ENKUR: variants seen among roughly 807,000 people sequenced by gnomAD.
ENKUR encodes enkurin, TRPC channel interacting protein, also known as enkurin.
ENKUR carries 19 observed loss-of-function variants against 27.6 expected under a neutral mutation model. That is an observed-to-expected ratio of 0.69 (90% confidence interval 0.48 to 1.01). The LOEUF (loss-of-function observed/expected upper bound fraction) is 1.01, where lower values mean the gene tolerates loss of function less well. Among genes scored for constraint, ENKUR ranks in the 50% least tolerant of loss-of-function variants. ENKUR has a pLI of 0.00. For missense variants in ENKUR, 312 were observed against 310.5 expected (o/e 1.00, Z -0.04); for synonymous variants, 117 against 96.9 (o/e 1.21, Z -1.22).
At position 24,982,402 on chromosome 10, in the gene ENKUR, A is replaced by G. The variant is rs1477657975; in HGVS notation, c.*1968T>C. On this transcript the variant is annotated 3_prime_UTR_variant, in exon 6 of 6. Transcript: ENST00000331161. Reference sequence around the variant, plus strand: ...AAGCAGCATTTCAAGAAATCAAGCTAAAAAGATCATAGACAAGGGGCCAGA... The same window carrying G: ...AAGCAGCATTTCAAGAAATCAAGCTGAAAAGATCATAGACAAGGGGCCAGA... The G allele has an allele frequency of 2.0e-5, 3 of 152,268 alleles. No individual in the cohort carries two copies. The highest frequency in any genetic ancestry group is 1.3e-4 in the Admixed American group (2 of 15,278). 9.4% of individuals were successfully genotyped at this position (152,268 alleles called of 1,614,324 possible).
upstream of ENKUR, among the ~76,000 whole-genome samples, chr10:25,019,961 C>T (rs7919641): frequency 1 from 152,221 of 152,272 alleles, 76,085 homozygotes; most frequent in Middle Eastern, 1. Flanking sequence ...TGTATATTCC[C>T]GAGTGGCCAT....
chr10:25,032,380 T>C (rs74122935), intron 2 of ENKUR, among the ~76,000 whole-genome samples: 3,565 of 152,048 alleles, frequency 0.023, 137 homozygotes, highest in African/African-American at 0.082. Flanking sequence ...TCTCACTGTT[T>C]TGTGGTGTTG....
chr10:24,985,185 G>A (rs540007168), intron 4 of ENKUR, among the ~76,000 whole-genome samples: 7 of 152,118 alleles, frequency 4.6e-5, no homozygotes, highest in East Asian at 1.9e-4. Context: ...AAATGTACAC[G>A]CAGAGTTATG....
chr10:25,024,291 G>A (rs1414123948), intron 2 of ENKUR: 16 of 1,614,154 alleles, frequency 9.9e-6, no homozygotes, highest in Non-Finnish European at 1.4e-5. Flanking sequence ...TGTCTTTACA[G>A]CTTATGCCTC....
chr10:25,031,035 T>A (rs1205189878), intron 2 of ENKUR, among the ~76,000 whole-genome samples: 6 of 152,184 alleles, frequency 3.9e-5, no homozygotes. Context: ...AGAGAATTGC[T>A]TGAATCCGGG....
upstream of ENKUR, among the ~76,000 whole-genome samples, chr10:25,020,508 T>C (rs999790186): frequency 1.1e-4 from 16 of 152,092 alleles, no homozygotes; most frequent in Non-Finnish European, 2.1e-4. Context: ...GGTTCATGCC[T>C]CTAATCCCAG....
At chr10:25,020,238 ATATATCTATATCTATATC>A (rs1554772119), upstream of ENKUR, among the ~76,000 whole-genome samples, 46 of 126,634 alleles carry the variant, frequency 3.6e-4, no homozygotes, top group African/African-American at 1.1e-3. Context: ...TTTCTTTAAA[ATATATCTATATCTATATC>A]TATATCTATA....
At chr10:25,023,086 T>C (rs1356679011) in intron 2 of ENKUR, 1 of 778,546 alleles carries the variant, frequency 1.3e-6, no homozygotes, top group Admixed American at 3.0e-5. Flanking sequence ...GGCATGGTTA[T>C]ATTCAGTCCT....
intron 5 of ENKUR, 47 bp downstream of exon 5, chr10:24,984,689 T>G: frequency 6.6e-7 from 1 of 1,518,666 alleles, no homozygotes; most frequent in Non-Finnish European, 8.9e-7. Context: ...TTTCCATGTT[T>G]TTTTCCCCTA....
intron 2 of ENKUR, among the ~76,000 whole-genome samples, chr10:25,038,085 A>C (rs998419559): frequency 1.3e-5 from 2 of 152,170 alleles, no homozygotes; most frequent in African/African-American, 4.8e-5. Context: ...ACATACTATA[A>C]TACGATACTT....
At chr10:25,057,662 A>C (rs1180170277) in intron 2 of ENKUR, among the ~76,000 whole-genome samples, 2 of 152,170 alleles carry the variant, frequency 1.3e-5, no homozygotes, top group Non-Finnish European at 1.5e-5. Context: ...TGGGATAAGG[A>C]AATGGTCTTA....
At chr10:25,034,585 C>T (rs2130461173) in intron 2 of ENKUR, among the ~76,000 whole-genome samples, 1 of 152,292 alleles carries the variant, frequency 6.6e-6, no homozygotes, top group Middle Eastern at 3.4e-3. Flanking sequence ...CTGGAACCAT[C>T]TTTCCAATTT....
intron 1 of ENKUR, among the ~76,000 whole-genome samples, chr10:25,012,105 G>C (rs1391708638): frequency 6.6e-6 from 1 of 152,218 alleles, no homozygotes; most frequent in Non-Finnish European, 1.5e-5. Flanking sequence ...CCCAAGCCTT[G>C]GTGGCTTCCA....
rs1392199605 is a variant in ENKUR, at chr10:24,982,642, G to A, written c.*1728C>T. The A allele has an allele frequency of 2.6e-5, 4 of 152,192 alleles. No homozygotes were observed. The highest frequency in any genetic ancestry group is 9.7e-5 in the African/African-American group (4 of 41,440). 9.4% of individuals were successfully genotyped at this position (152,192 alleles called of 1,614,324 possible). A position where few individuals can be genotyped will look rare whatever the true frequency, so the allele number is the denominator to read the frequency against. ...TCAGATGTTTGTCCCTCTTTTGGGT[G>A]ATAGGATGACCTAGGTATGTATGTG... On this transcript the variant is annotated 3_prime_UTR_variant, in exon 6 of 6. Coordinates refer to ENST00000331161, the MANE Select transcript of ENKUR (RefSeq NM_145010.4).
chr10:25,018,406 G>C (rs1018532720), upstream of ENKUR, among the ~76,000 whole-genome samples: 2 of 152,334 alleles, frequency 1.3e-5, no homozygotes, highest in Non-Finnish European at 2.9e-5. Context: ...GGGGTAGACA[G>C]TAAATATTTC....
intron 1 of ENKUR, among the ~76,000 whole-genome samples, chr10:25,007,262 T>C (rs1281896362): frequency 6.6e-6 from 1 of 152,196 alleles, no homozygotes; most frequent in African/African-American, 2.4e-5. Flanking sequence ...AAAATGAGTC[T>C]AACGTTCACA....
upstream of ENKUR, chr10:25,016,195 A>C (rs1279380081): frequency 1.7e-6 from 2 of 1,172,600 alleles, no homozygotes; most frequent in South Asian, 3.8e-5. Context: ...GCAACGAGGA[A>C]GTGGCAGGCA....
At chr10:25,024,085 T>C (rs1442300344) in intron 2 of ENKUR, 1 of 1,614,172 alleles carries the variant, frequency 6.2e-7, no homozygotes, top group East Asian at 2.2e-5. Context: ...AGGAGCAACC[T>C]ACGTAGAAAG....
At chr10:25,036,650 A>G (rs1851011942) in intron 2 of ENKUR, among the ~76,000 whole-genome samples, 1 of 152,224 alleles carries the variant, frequency 6.6e-6, no homozygotes, top group South Asian at 2.1e-4. Flanking sequence ...CCTAACTAGC[A>G]GAACAAAAAC....
Sources: gnomAD v4.1 joint callset for allele counts (sites outside exome capture counted in the v4.1 genomes callset) on GRCh38, gnomAD v4.1.1 for gene constraint, MANE v1.5 for transcripts, NCBI Gene and HGNC (gene_info 2026-07-23, HGNC 2026-07-21) for gene names.